Variants in HIF3A observed in about 807,000 individuals in gnomAD.
HIF3A encodes the protein hypoxia inducible factor 3 subunit alpha.
A neutral mutation model predicts 67.2 loss-of-function variants in HIF3A; 41 were observed. The ratio of observed to expected loss-of-function variants is 0.61; its 90% CI spans 0.48 to 0.79. HIF3A has a LOEUF of 0.79. Ranked by LOEUF, HIF3A falls within the 30% of genes least tolerant of loss-of-function variation. HIF3A has a pLI of 0.00. For missense variants in HIF3A, 855 were observed against 898.0 expected, an observed-to-expected ratio of 0.95 and a Z score of 0.61; for synonymous variants, 356 against 374.8, an observed-to-expected ratio of 0.95 and a Z score of 0.58.
chr19:46,313,090 T>A, intron 8 of HIF3A: 1 of 719,564 alleles, frequency 1.4e-6, no homozygotes, highest in Non-Finnish European at 1.7e-6. Context: ...TTTCTACTAA[T>A]AATACCAAAA....
chr19:46,338,060 C>G (rs1404622072), intron 14 of HIF3A, among the ~76,000 whole-genome samples: 3 of 152,190 alleles, frequency 2.0e-5, no homozygotes, highest in Non-Finnish European at 4.4e-5. Context: ...GTGCTAAATC[C>G]TCTATGCACC....
intron 10 of HIF3A, among the ~76,000 whole-genome samples, chr19:46,324,437 C>G (rs1970605596): frequency 6.6e-6 from 1 of 152,164 alleles, no homozygotes; most frequent in Non-Finnish European, 1.5e-5. Context: ...TATCCTCTCT[C>G]CAGAGAAATA....
Position 46,329,242 on chromosome 19 carries a change from C to T in HIF3A, c.1476C>T (p.Pro492=). The change falls in exon 12 of 15, where the codon CCC becomes CCT. Residue 492 remains proline (P), a synonymous_variant. Coordinates refer to ENST00000377670, the MANE Select transcript of HIF3A (RefSeq NM_152795.4). ...ADALDLEMLA[P]YISMDDDFQL... ...CTCTGGATTTGGAGATGCTGGCCCC[C>T]TACATCTCCATGGATGATGACTTCC... The T allele has an allele frequency of 6.2e-7, 1 of 1,612,200 alleles. No individual in the cohort carries two copies. The highest frequency in any genetic ancestry group is 8.5e-7 in the Non-Finnish European group (1 of 1,179,260).
intron 5 of HIF3A, 124 bp from the exon 6 acceptor site, chr19:46,309,027 C>A: frequency 1.2e-6 from 1 of 832,166 alleles, no homozygotes; most frequent in Non-Finnish European, 1.9e-6. Flanking sequence ...TCCCTTTGAA[C>A]CTGAAGTCTT....
At chr19:46,312,085 G>T in intron 6 of HIF3A, 76 bp from the exon 7 acceptor site, 1 of 1,041,738 alleles carries the variant, frequency 9.6e-7, no homozygotes. Context: ...TGTGTCCTCT[G>T]CTGCTACTTC....
rs1191737570 is a variant in HIF3A at position 46,308,786 on chromosome 19, C to A, written c.561+11C>A. On this transcript the variant is annotated intron_variant, in intron 5 of 14. Transcript: ENST00000377670. Reference sequence around the variant, plus strand: ...GCGGCCACCTGGAAGGTGCGTGGGGCCGGGCCAGAGGAGGGCGGGGACGCT... The same window carrying A: ...GCGGCCACCTGGAAGGTGCGTGGGGACGGGCCAGAGGAGGGCGGGGACGCT... 5 of 1,563,448 alleles carry A rather than the reference C, an allele frequency of 3.2e-6. No individual in the cohort carries two copies. The highest frequency in any genetic ancestry group is 4.4e-6 in the Non-Finnish European group (5 of 1,144,228).
chr19:46,312,640 C>A lies in HIF3A; in HGVS notation c.1012C>A (p.His338Asn). The change falls in exon 8 of 15, where the codon CAT becomes AAT. Residue 338 changes from histidine (H) to asparagine (N), a missense_variant. Around this residue, in one of 3 missense-constraint regions of HIF3A, gnomAD observed 638 missense variants for 660.5 expected, o/e 0.97. Coordinates refer to ENST00000377670, the MANE Select transcript of HIF3A (RefSeq NM_152795.4). ...GPQSESIVCV[H>N]FLISQVEETG... ...CCAGTCGGAGAGTATCGTCTGTGTCCATTTTTTAATCAGGTAAGCAGGAGG... is the reference window on the plus strand; with the variant it reads ...CCAGTCGGAGAGTATCGTCTGTGTCAATTTTTTAATCAGGTAAGCAGGAGG... The A allele has an allele frequency of 6.4e-7, 1 of 1,559,350 alleles. No homozygotes were observed. The highest frequency in any genetic ancestry group is 1.2e-5 in the South Asian group (1 of 82,514).
Position 46,339,688 on chromosome 19 carries a change from C to A in HIF3A, c.*66C>A, listed in dbSNP as rs985963062. 8.3e-7 allele frequency: 1 copy of A among 1,206,532 alleles called. No homozygotes were observed. Among genetic ancestry groups the A allele is most frequent in the South Asian group, 1.5e-5 (1 of 68,044 alleles). 74.7% of individuals were successfully genotyped at this position (1,206,532 alleles called of 1,614,324 possible). A position where few individuals can be genotyped will look rare whatever the true frequency, so the allele number is the denominator to read the frequency against. ...GGACCTCAACCACACTCCACGCCGG[C>A]AGCCAACGCACAGGATGGGGGCGCC... On this transcript the variant is annotated 3_prime_UTR_variant, in exon 15 of 15. Transcript: ENST00000377670.
At position 46,308,706 on chromosome 19, in the gene HIF3A, CTCCTTG is replaced by C; in HGVS notation, c.493_498del (p.Ser165_Leu166del). ...TGGAGGCCCCCACGGAGCGGTGCTT[CTCCTTG>C]CGCATGAAGAGTACACTCACCAGCC... On this transcript the variant is annotated inframe_deletion, in exon 5 of 15. Coordinates refer to ENST00000377670, the MANE Select transcript of HIF3A (RefSeq NM_152795.4). 9 of 1,611,240 alleles carry C rather than the reference CTCCTTG, an allele frequency of 5.6e-6. No homozygotes were observed. The highest frequency in any genetic ancestry group is 7.6e-6 in the Non-Finnish European group (9 of 1,179,002).
chr19:46,310,012 G>A (rs573878202), intron 6 of HIF3A, among the ~76,000 whole-genome samples: 4 of 152,082 alleles, frequency 2.6e-5, no homozygotes, highest in African/African-American at 9.7e-5. Flanking sequence ...ATCACCTGAC[G>A]TCAGGAGTTC....
At chr19:46,299,781 G>T (rs1968173848) in intron 1 of HIF3A, among the ~76,000 whole-genome samples, 1 of 149,564 alleles carries the variant, frequency 6.7e-6, no homozygotes, top group South Asian at 2.1e-4. Flanking sequence ...CACCACCCCA[G>T]ATCAAGATGA....
chr19:46,303,568 C>CT, intron 1 of HIF3A: 1 of 1,513,320 alleles, frequency 6.6e-7, no homozygotes, highest in South Asian at 1.2e-5. Flanking sequence ...TCCCTGTCCC[C>CT]CAGGCGTCCC....
chr19:46,327,654 G>C (rs1970887331), intron 11 of HIF3A, among the ~76,000 whole-genome samples: 1 of 152,146 alleles, frequency 6.6e-6, no homozygotes, highest in Admixed American at 6.6e-5. Flanking sequence ...TCAGACACAA[G>C]TTTGAGGGTC....
chr19:46,300,848 G>A (rs1968257070), intron 1 of HIF3A, among the ~76,000 whole-genome samples: 1 of 152,134 alleles, frequency 6.6e-6, no homozygotes, highest in Non-Finnish European at 1.5e-5. Context: ...CTGGGAGCTG[G>A]AAGGAGGGTC....
At chr19:46,315,572 G>C (rs1969850169) in intron 8 of HIF3A, among the ~76,000 whole-genome samples, 1 of 152,054 alleles carries the variant, frequency 6.6e-6, no homozygotes, top group Admixed American at 6.6e-5. Flanking sequence ...TGGGTAAACA[G>C]CTAGGATTGG....
chr19:46,317,386 C>T (rs1210192264), intron 8 of HIF3A, among the ~76,000 whole-genome samples: 1 of 152,064 alleles, frequency 6.6e-6, no homozygotes. Flanking sequence ...TGTCTCTACC[C>T]TTCTCAGAGC....
intron 9 of HIF3A, among the ~76,000 whole-genome samples, chr19:46,321,541 G>A (rs535535100): frequency 3.3e-5 from 5 of 152,158 alleles, no homozygotes; most frequent in Non-Finnish European, 5.9e-5. Context: ...CTGAGATAGT[G>A]CCACTGCACT....
At chr19:46,302,372 C>T (rs1435875832) in intron 1 of HIF3A, among the ~76,000 whole-genome samples, 1 of 152,074 alleles carries the variant, frequency 6.6e-6, no homozygotes, top group Non-Finnish European at 1.5e-5. Flanking sequence ...CCTCGTGATC[C>T]GCCCGCCTCG....
In HIF3A at chr19:46,339,586, C is replaced by T; in HGVS notation, c.1974C>T (p.Pro658=). 1.9e-6 allele frequency: 3 copies of T among 1,609,464 alleles called. No homozygotes were observed. In the South Asian group the frequency reaches 3.3e-5, roughly 18 times the overall value. ...SDEDTTQPGG[P]FQPRAGSAQA... ...AGGACACTACCCAGCCCGGGGGCCC[C>T]TTCCAGCCAAGGGCAGGCTCAGCCC... The change falls in exon 15 of 15, where the codon CCC becomes CCT. Residue 658 remains proline, a synonymous_variant. Coordinates refer to ENST00000377670, the MANE Select transcript of HIF3A (RefSeq NM_152795.4).
Sources: allele counts gnomAD v4.1 joint callset (sites outside exome capture counted in the v4.1 genomes callset), GRCh38; gene constraint gnomAD v4.1.1; regional missense constraint gnomAD v4.1.1; transcripts MANE v1.5; gene names NCBI Gene and HGNC (gene_info 2026-07-23, HGNC 2026-07-21).